DHRS3: variants seen among roughly 807,000 people sequenced by gnomAD.
DHRS3 encodes the protein dehydrogenase/reductase 3, also known as short-chain dehydrogenase/reductase 3.
A neutral mutation model predicts 27.2 loss-of-function variants in DHRS3; 14 were observed. The observed-to-expected ratio is 0.52, with a 90% CI of 0.34 to 0.81. The LOEUF (loss-of-function observed/expected upper bound fraction) is 0.81, where lower values mean the gene tolerates loss of function less well. Ranked by LOEUF, DHRS3 falls within the 30% of genes least tolerant of loss-of-function variation. The pLI is 0.01. For synonymous variants in DHRS3, 165 were observed against 175.9 expected (o/e 0.94, Z 0.49); for missense variants, 322 against 406.2 (o/e 0.79, Z 1.78).
intron 1 of DHRS3, among the ~76,000 whole-genome samples, chr1:12,585,395 CTGTG>C (rs33958058): frequency 6.6e-6 from 1 of 151,370 alleles, no homozygotes; most frequent in East Asian, 2.0e-4. Context: ...CTGTGTGTGA[CTGTG>C]TGTGTGTGAG....
intron 3 of DHRS3, 87 bp from the exon 4 acceptor site, chr1:12,579,043 A>G: frequency 7.5e-7 from 1 of 1,334,414 alleles, no homozygotes; most frequent in East Asian, 2.5e-5. Context: ...CCCACCCCGG[A>G]CACACATGAT....
chr1:12,582,873 C>CTAT (rs1646656601), intron 1 of DHRS3, among the ~76,000 whole-genome samples: 1 of 148,700 alleles, frequency 6.7e-6, no homozygotes, highest in African/African-American at 2.5e-5. Context: ...ATCCATCCAT[C>CTAT]CCTCCCTCCC....
At chr1:12,600,163 C>T (rs1019008536) in intron 1 of DHRS3, among the ~76,000 whole-genome samples, 12 of 152,050 alleles carry the variant, frequency 7.9e-5, no homozygotes, top group East Asian at 1.9e-4. Flanking sequence ...AATCTCTATG[C>T]TTTACTGGCT....
At chr1:12,575,625 G>A (rs552936669) in intron 4 of DHRS3, among the ~76,000 whole-genome samples, 10 of 152,262 alleles carry the variant, frequency 6.6e-5, no homozygotes, top group African/African-American at 2.4e-4. Flanking sequence ...TTCACCTAGT[G>A]CTTGCTACTT....
chr1:12,586,486 C>A lies in DHRS3; in HGVS notation c.196-5820G>T, dbSNP rs114129210. Among the ~76,000 whole-genome samples, 1 of 150,372 alleles carries A rather than the reference C, an allele frequency of 6.7e-6. No homozygotes were observed. The stretch of plus-strand genomic sequence containing the variant: ...GTCCATCCAGCACCACACGGACAGC[C>A]GGCTATGGGCTGGGGTGGTGATCCA... On this transcript the variant is annotated intron_variant, in intron 1 of 5. Transcript: ENST00000616661. The surrounding 1 kb of genome is among the most constrained non-coding windows in gnomAD (Gnocchi z 5.0).
In DHRS3 at chr1:12,578,667, G is replaced by C. The variant is rs774916466; in HGVS notation, c.698+51C>G. The C allele has an allele frequency of 1.3e-6, 2 of 1,547,406 alleles. No individual in the cohort carries two copies. The highest frequency in any genetic ancestry group is 1.8e-6 in the Non-Finnish European group (2 of 1,121,860). ...CTGCAGTTGGCTGACTGAATGGCTT[G>C]GGGAGGCAGGTGAGAAGGCTGGTCT... is the stretch of plus-strand genomic sequence containing the variant. On this transcript the variant is annotated intron_variant, in intron 4 of 5. Transcript: ENST00000616661. The surrounding 1 kb of genome is among the most constrained non-coding windows in gnomAD (Gnocchi z 4.5).
chr1:12,616,632 A>G, intron 1 of DHRS3: 5 of 991,830 alleles, frequency 5.0e-6, no homozygotes, highest in Non-Finnish European at 6.0e-6. Context: ...ACTGCATACA[A>G]GACCGCTCTT....
chr1:12,577,158 C>A (rs771782177), intron 4 of DHRS3, among the ~76,000 whole-genome samples: 1 of 152,120 alleles, frequency 6.6e-6, no homozygotes, highest in South Asian at 2.1e-4. Context: ...AAGCACTGTA[C>A]GCTGGATTGC....
intron 1 of DHRS3, among the ~76,000 whole-genome samples, chr1:12,603,562 G>C (rs2100712313): frequency 6.6e-6 from 1 of 152,234 alleles, no homozygotes; most frequent in Admixed American, 6.5e-5. Flanking sequence ...AACCCAGTTT[G>C]AAAACCTGGA....
Position 12,568,286 on chromosome 1 carries a change from A to G in DHRS3, c.*54T>C, listed in dbSNP as rs764149237. ...TGGACAGGTGCTCGGGTGTGTGCCCAGGTGCTGTGGCCCCCAAACTCCGTG... is the reference window on the plus strand; with the variant it reads ...TGGACAGGTGCTCGGGTGTGTGCCCGGGTGCTGTGGCCCCCAAACTCCGTG... On this transcript the variant is annotated 3_prime_UTR_variant, in exon 6 of 6. Transcript: ENST00000616661. 100 of 1,512,882 alleles carry G rather than the reference A, an allele frequency of 6.6e-5. No individual in the cohort carries two copies. The highest frequency in any genetic ancestry group is 1.0e-4 in the Admixed American group (6 of 59,688). The allele number at this position is 1,512,882 out of a possible 1,614,324, so 93.7% of individuals were successfully genotyped here. A position where few individuals can be genotyped will look rare whatever the true frequency, so the allele number is the denominator to read the frequency against.
rs4580 is a variant in DHRS3, at chr1:12,568,159, T to C, written c.*181A>G. The C allele has an allele frequency of 0.32, 184,393 of 576,262 alleles. 30,156 individuals are homozygous for C. Among genetic ancestry groups the C allele is most frequent in the East Asian group, 0.37 (12,614 of 33,922 alleles). 35.7% of individuals were successfully genotyped at this position (576,262 alleles called of 1,614,324 possible). On this transcript the variant is annotated 3_prime_UTR_variant, in exon 6 of 6. Coordinates refer to ENST00000616661, the MANE Select transcript of DHRS3 (RefSeq NM_004753.7). ...CCTGCCTCCCTGTGGGGGTCAGTTA[T>C]ACCCATCAGTCCTGTGCAAAGGTCC...
At chr1:12,596,765 T>C (rs1039498376) in intron 1 of DHRS3, among the ~76,000 whole-genome samples, 7 of 152,012 alleles carry the variant, frequency 4.6e-5, no homozygotes, top group Admixed American at 3.9e-4. Flanking sequence ...GGCCTCCCTG[T>C]GCTGGTGTGG....
intron 4 of DHRS3, among the ~76,000 whole-genome samples, chr1:12,573,588 C>T (rs909935179): frequency 2.4e-4 from 36 of 152,212 alleles, no homozygotes; most frequent in African/African-American, 8.2e-4. Flanking sequence ...GTGTCCTGCT[C>T]ATTCTGTCTG....
intron 4 of DHRS3, among the ~76,000 whole-genome samples, chr1:12,577,776 T>A (rs184713606): frequency 2.3e-4 from 35 of 152,270 alleles, no homozygotes; most frequent in African/African-American, 8.4e-4. Flanking sequence ...TGAGCCGAGA[T>A]CGCGCCACTG....
At position 12,568,344 on chromosome 1, in the gene DHRS3, G is replaced by A; in HGVS notation, c.905C>T (p.Thr302Ile). Residue 302 changes from threonine (T) to isoleucine (I), a missense_variant, in exon 6 of 6, where the codon ACA (threonine) becomes ATA (isoleucine). Transcript: ENST00000616661. ...YTCMNTFKGR[T>I] ...AAGCATGTCTTCATCCTGTCTCTAT[G>A]TCCGCCCTTTGAAAGTGTTCATGCA... 1 of 1,613,662 alleles carries A rather than the reference G, an allele frequency of 6.2e-7. No homozygotes were observed. The highest frequency in any genetic ancestry group is 8.5e-7 in the Non-Finnish European group (1 of 1,179,592).
chr1:12,589,948 C>T (rs1646731585), intron 1 of DHRS3, among the ~76,000 whole-genome samples: 1 of 152,106 alleles, frequency 6.6e-6, no homozygotes, highest in Non-Finnish European at 1.5e-5. Context: ...CGGAAGACCC[C>T]ATCTGGTCTC....
intron 1 of DHRS3, among the ~76,000 whole-genome samples, chr1:12,613,794 G>C (rs534516349): frequency 4.1e-4 from 63 of 152,274 alleles, no homozygotes; most frequent in Middle Eastern, 3.4e-3. Context: ...TTTTGAGACA[G>C]AGTTTTGCTC....
chr1:12,587,761 A>G (rs879812641), intron 1 of DHRS3, among the ~76,000 whole-genome samples: 3 of 152,136 alleles, frequency 2.0e-5, no homozygotes, highest in Non-Finnish European at 4.4e-5. Context: ...AAAACAACAG[A>G]AGGTAGAGTA....
At chr1:12,612,592 C>G (rs1646917910) in intron 1 of DHRS3, among the ~76,000 whole-genome samples, 1 of 152,230 alleles carries the variant, frequency 6.6e-6, no homozygotes, top group South Asian at 2.1e-4. Context: ...AAATTAACTG[C>G]TCCTCTGTGC....
Sources: gnomAD v4.1 joint callset for allele counts (sites outside exome capture counted in the v4.1 genomes callset) on GRCh38, gnomAD v4.1.1 for gene constraint, Gnocchi (gnomAD v3.1) non-coding constraint, MANE v1.5 for transcripts, NCBI Gene and HGNC (gene_info 2026-07-23, HGNC 2026-07-21) for gene names.